The following GRIK4 variants were observed in gnomAD, a reference collection of about 807,000 sequenced individuals.
GRIK4 encodes the protein glutamate receptor ionotropic, kainate 4.
In GRIK4, 40 loss-of-function variants were observed where a neutral mutation model predicts 104.9. The ratio of observed to expected loss-of-function variants is 0.38; its 90% CI spans 0.30 to 0.50. The LOEUF is 0.50. GRIK4 is among the 20% of genes least tolerant of loss of function. GRIK4 has a pLI of 0.93. For synonymous variants in GRIK4, 485 were observed against 524.9 expected, an observed-to-expected ratio of 0.92 and a Z score of 1.04; for missense variants, 1,047 against 1,308.1, an observed-to-expected ratio of 0.80 and a Z score of 3.08.
chr11:120,780,475 A>G (rs924165285), intron 3 of GRIK4, among the ~76,000 whole-genome samples: 1 of 152,204 alleles, frequency 6.6e-6, no homozygotes, highest in Non-Finnish European at 1.5e-5. Context: ...CTTCCTTTGT[A>G]AGGCTGAATC....
chr11:120,967,251 C>A lies in GRIK4; in HGVS notation c.2323C>A (p.Arg775Ser). The A allele has an allele frequency of 6.2e-7, 1 of 1,613,778 alleles. No homozygotes were observed. Among genetic ancestry groups the A allele is most frequent in the Non-Finnish European group, 8.5e-7 (1 of 1,179,814 alleles). ...CATTCTCCAGCTGCAGGAGAACAAC[C>A]GCCTGGAGATCCTGAAGCGCAAATG... ...LAILQLQENN[R>S]LEILKRKWWE... Residue 775 changes from arginine to serine, a missense_variant, in exon 19 of 21, where the codon CGC (arginine) becomes AGC (serine). By Grantham distance (110) the Arg-to-Ser change is moderately radical. Around this residue, in one of 3 missense-constraint regions of GRIK4, gnomAD observed 440 missense variants for 652.3 expected, o/e 0.67. Coordinates refer to ENST00000527524, the MANE Select transcript of GRIK4 (RefSeq NM_014619.5). This position sits in a 1 kb window ranked among gnomAD's most constrained non-coding sequence, Gnocchi z 4.2.
At chr11:120,656,442 A>T (rs1949711325) in intron 2 of GRIK4, among the ~76,000 whole-genome samples, 1 of 152,234 alleles carries the variant, frequency 6.6e-6, no homozygotes, top group Non-Finnish European at 1.5e-5. Flanking sequence ...CCTTACAGAC[A>T]TGCAACATGG....
rs1944068167 is a variant in GRIK4, at chr11:120,953,840, CT to C, written c.1700+877del. On this transcript the variant is annotated intron_variant, in intron 15 of 20. Transcript: ENST00000527524. The surrounding 1 kb of genome is among the most constrained non-coding windows in gnomAD (Gnocchi z 4.9). Reference sequence around the variant, plus strand: ...GCTCCCAGGCCACTCACTCAGGTCCCTAGTGCTGCTAACCCTCCACTTACTG... The same window carrying C: ...GCTCCCAGGCCACTCACTCAGGTCCCAGTGCTGCTAACCCTCCACTTACTG... Among the ~76,000 whole-genome samples, 1 of 152,202 alleles carries C rather than the reference CT, an allele frequency of 6.6e-6. No homozygotes were observed. Among genetic ancestry groups the C allele is most frequent in the Non-Finnish European group, 1.5e-5 (1 of 68,032 alleles).
At chr11:120,689,547 T>C (rs540975133) in intron 3 of GRIK4, among the ~76,000 whole-genome samples, 2 of 152,080 alleles carry the variant, frequency 1.3e-5, no homozygotes, top group African/African-American at 4.8e-5. Flanking sequence ...TCAGTATTCC[T>C]GTAGACAACC....
At chr11:120,575,397 G>A (rs545997489) in intron 1 of GRIK4, among the ~76,000 whole-genome samples, 42 of 152,118 alleles carry the variant, frequency 2.8e-4, no homozygotes, top group Non-Finnish European at 5.7e-4. Flanking sequence ...ACTTGTCTGC[G>A]TCGTTTTACT....
At chr11:120,720,782 AG>A (rs1950918859) in intron 3 of GRIK4, among the ~76,000 whole-genome samples, 1 of 152,056 alleles carries the variant, frequency 6.6e-6, no homozygotes, top group Middle Eastern at 3.2e-3. Flanking sequence ...CATGGCTTGG[AG>A]GGGGAAGATA....
rs1591673199 is a variant in GRIK4 at position 120,524,578 on chromosome 11, G to A, written c.-159+12691G>A. 6.6e-6 allele frequency among the ~76,000 whole-genome samples: 1 copy of A among 152,152 alleles called. No individual in the cohort carries two copies. Among genetic ancestry groups the A allele is most frequent in the African/African-American group, 2.4e-5 (1 of 41,428 alleles). ...TTACCCCCTCCTCGAACCCAGATGA[G>A]CCTGGCATCAATGGGTCAAGGGGGA... On this transcript the variant is annotated intron_variant, in intron 1 of 20. Coordinates refer to ENST00000527524, the MANE Select transcript of GRIK4 (RefSeq NM_014619.5). The surrounding 1 kb of genome is among the most constrained non-coding windows in gnomAD (Gnocchi z 4.5).
intron 3 of GRIK4, among the ~76,000 whole-genome samples, chr11:120,713,585 G>C (rs1950777717): frequency 6.6e-6 from 1 of 152,230 alleles, no homozygotes; most frequent in Non-Finnish European, 1.5e-5. Context: ...ACCGTAGCTT[G>C]TAGGAGGTAA....
chr11:120,511,798 CG>C lies in GRIK4; in HGVS notation c.-246del. Reference sequence around the variant, plus strand: ...CGGGCTGGAGCCGCCACGGCTGCTGCGGAAGAGGAAAAACGGCCAACAGCAG... The same window carrying C: ...CGGGCTGGAGCCGCCACGGCTGCTGCGAAGAGGAAAAACGGCCAACAGCAG... On this transcript the variant is annotated 5_prime_UTR_variant, in exon 1 of 21. Transcript: ENST00000527524. 2.8e-6 allele frequency: 1 copy of C among 361,284 alleles called. No individual in the cohort carries two copies. Among genetic ancestry groups the C allele is most frequent in the Non-Finnish European group, 5.6e-6 (1 of 178,740 alleles). 22.4% of individuals were successfully genotyped at this position (361,284 alleles called of 1,614,324 possible).
At chr11:120,631,225 G>T (rs1949329071) in intron 1 of GRIK4, among the ~76,000 whole-genome samples, 1 of 152,228 alleles carries the variant, frequency 6.6e-6, no homozygotes, top group Non-Finnish European at 1.5e-5. Context: ...GTATCTCCTA[G>T]TTCTGACAGT....
At chr11:120,833,392 A>C (rs1953490098) in intron 7 of GRIK4, among the ~76,000 whole-genome samples, 1 of 152,066 alleles carries the variant, frequency 6.6e-6, no homozygotes, top group Non-Finnish European at 1.5e-5. Flanking sequence ...TGAAGTCATT[A>C]AGGGTAGAAA....
intron 3 of GRIK4, among the ~76,000 whole-genome samples, chr11:120,790,433 G>A (rs530629826): frequency 6.6e-6 from 1 of 152,156 alleles, no homozygotes; most frequent in Non-Finnish European, 1.5e-5. Context: ...CGGTGGGAAT[G>A]GGGTATGAGA....
intron 9 of GRIK4, among the ~76,000 whole-genome samples, chr11:120,863,252 C>T (rs1269857885): frequency 6.6e-6 from 1 of 152,158 alleles, no homozygotes; most frequent in Non-Finnish European, 1.5e-5. Context: ...TTTTTCTTGT[C>T]CCTTTTCTAT....
At chr11:120,699,018 C>T (rs1029248865) in intron 3 of GRIK4, among the ~76,000 whole-genome samples, 1 of 152,220 alleles carries the variant, frequency 6.6e-6, no homozygotes, top group African/African-American at 2.4e-5. Context: ...TATCTGGATT[C>T]AGGGATGATC....
chr11:120,752,447 C>T (rs530779226), intron 3 of GRIK4, among the ~76,000 whole-genome samples: 1 of 152,262 alleles, frequency 6.6e-6, no homozygotes, highest in South Asian at 2.1e-4. Flanking sequence ...TGGGCAGGCC[C>T]CTGTCTAAGA....
chr11:120,670,912 G>A (rs1327984483), intron 3 of GRIK4, among the ~76,000 whole-genome samples: 1 of 151,506 alleles, frequency 6.6e-6, no homozygotes, highest in African/African-American at 2.4e-5. Context: ...GTGCCCATAT[G>A]TTCTCATTGT....
At chr11:120,519,886 TTTTTTG>T (rs1565536048) in intron 1 of GRIK4, among the ~76,000 whole-genome samples, 83 of 149,570 alleles carry the variant, frequency 5.5e-4, no homozygotes, top group Non-Finnish European at 1.2e-3. Context: ...TTTTGTTTTT[TTTTTTG>T]TTGTTGTTGT....
rs372324670 is a variant in GRIK4 at position 120,516,863 on chromosome 11, G to C, written c.-159+4976G>C. On this transcript the variant is annotated intron_variant, in intron 1 of 20. Coordinates refer to ENST00000527524, the MANE Select transcript of GRIK4 (RefSeq NM_014619.5). The stretch of plus-strand genomic sequence containing the variant: ...AGGGAAAGCTGACAGTGCGTGCCTG[G>C]ATGCGCTGTGCCTGAGGAGGAGCCT... Among the ~76,000 whole-genome samples, 53 of 152,242 alleles carry C rather than the reference G, an allele frequency of 3.5e-4. 2 individuals carry two copies. The South Asian group carries it at 0.011, about 31-fold the overall frequency.
intron 4 of GRIK4, among the ~76,000 whole-genome samples, chr11:120,812,956 G>A (rs1952859058): frequency 6.6e-6 from 1 of 152,224 alleles, no homozygotes; most frequent in Non-Finnish European, 1.5e-5. Flanking sequence ...CCAGAGAACT[G>A]GAGGAGAATC....
Sources: gnomAD v4.1 joint callset for allele counts (sites outside exome capture counted in the v4.1 genomes callset) on GRCh38, gnomAD v4.1.1 for gene constraint, gnomAD v4.1.1 regional missense constraint, Gnocchi (gnomAD v3.1) non-coding constraint, MANE v1.5 for transcripts, NCBI Gene and HGNC (gene_info 2026-07-23, HGNC 2026-07-21) for gene names.